The following SLC25A29 variants were observed in gnomAD, a reference collection of about 807,000 sequenced individuals.
The protein encoded by SLC25A29 is solute carrier family 25 member 29, also known as mitochondrial basic amino acids transporter.
In SLC25A29, 13 loss-of-function variants were observed where a neutral mutation model predicts 10.0. The ratio of observed to expected loss-of-function variants is 1.30; its 90% CI spans 0.85 to 2.07. The LOEUF (loss-of-function observed/expected upper bound fraction) is 2.07. SLC25A29 is among the 30% of genes most tolerant of loss of function. SLC25A29 has a pLI of 0.00. For synonymous variants in SLC25A29, 244 were observed against 221.1 expected, an observed-to-expected ratio of 1.10 and a Z score of -0.92; for missense variants, 475 against 447.6, an observed-to-expected ratio of 1.06 and a Z score of -0.55.
At chr14:100,280,321 G>C in the SLC25A29 span, 1 of 152,222 alleles carries the variant, frequency 6.6e-6, no homozygotes, top group Middle Eastern at 3.4e-3. Context: ...ACATATTTTC[G>C]TACATCTGAG....
At chr14:100,284,375 C>T in the SLC25A29 span, among the ~76,000 whole-genome samples, 2 of 152,158 alleles carry the variant, frequency 1.3e-5, no homozygotes, top group African/African-American at 4.8e-5. Context: ...CAGGGCTCCC[C>T]GACTGCCCGC....
At chr14:100,284,461 T>C in the SLC25A29 span, among the ~76,000 whole-genome samples, 12 of 152,326 alleles carry the variant, frequency 7.9e-5, no homozygotes, top group Non-Finnish European at 1.2e-4. Flanking sequence ...AGCACGTGAT[T>C]TGAACTGCAG....
chr14:100,302,331 C>G (rs374121979), intron 1 of SLC25A29, among the ~76,000 whole-genome samples: 34 of 151,896 alleles, frequency 2.2e-4, no homozygotes, highest in Admixed American at 5.9e-4. Flanking sequence ...CAGGCTTGAG[C>G]CACCAAGCTC....
chr14:100,296,956 G>A (rs759314429), intron 2 of SLC25A29, among the ~76,000 whole-genome samples: 3 of 152,134 alleles, frequency 2.0e-5, no homozygotes, highest in African/African-American at 7.2e-5. Flanking sequence ...GTAGCCAGGC[G>A]TGCTGGCACG....
chr14:100,296,747 C>T (rs536553315), intron 2 of SLC25A29, among the ~76,000 whole-genome samples: 7 of 152,190 alleles, frequency 4.6e-5, no homozygotes, highest in African/African-American at 9.6e-5. Context: ...TACAGGCACC[C>T]GCCACCACGC....
At chr14:100,303,375 G>C (rs551963682) in intron 1 of SLC25A29, among the ~76,000 whole-genome samples, 1 of 152,180 alleles carries the variant, frequency 6.6e-6, no homozygotes, top group Non-Finnish European at 1.5e-5. Context: ...GCATGGTCAC[G>C]CCTCTGGCCC....
chr14:100,302,261 G>C (rs1892610766), intron 1 of SLC25A29, among the ~76,000 whole-genome samples: 1 of 151,518 alleles, frequency 6.6e-6, no homozygotes. Context: ...GGCCAGGCTG[G>C]TCTTGAACTC....
rs1241954551 is a variant in SLC25A29, at chr14:100,306,280, G to A, written c.-48C>T. On this transcript the variant is annotated 5_prime_UTR_variant, in exon 1 of 4. Transcript: ENST00000359232. ...CCTTTCCTCCTCGTCCTCCCCCTGA[G>A]GCCCCTCGCCGGGCTGGGCGCCGTC... 3.6e-6 allele frequency: 5 copies of A among 1,378,152 alleles called. No individual in the cohort carries two copies. The highest frequency in any genetic ancestry group is 3.1e-5 in the Admixed American group (1 of 32,268). 85.4% of individuals were successfully genotyped at this position (1,378,152 alleles called of 1,614,324 possible).
chr14:100,293,656 T>C (rs1373067592), intron 2 of SLC25A29: 1 of 442,146 alleles, frequency 2.3e-6, no homozygotes, highest in Non-Finnish European at 4.2e-6. Context: ...GTTTACACTA[T>C]GGCTGCACAG....
In SLC25A29 at chr14:100,292,474, C is replaced by A; in HGVS notation, c.721G>T (p.Ala241Ser). 6.3e-7 allele frequency: 1 copy of A among 1,581,974 alleles called. No homozygotes were observed. The highest frequency in any genetic ancestry group is 8.6e-7 in the Non-Finnish European group (1 of 1,165,964). ...CGTGTGAAGACGCGCCAGCCCTCGG[C>A]GCGGTAGCTCTGGTGCACGCAGTCC... ...ILDCVHQSYR[A>S]EGWRVFTRGL... is the part of the protein sequence containing the mutation. The change falls in exon 4 of 4, where the codon GCC becomes TCC. Residue 241 changes from alanine to serine, a missense_variant. By Grantham distance (99) the Ala-to-Ser change is moderately conservative. Coordinates refer to ENST00000359232, the MANE Select transcript of SLC25A29 (RefSeq NM_001039355.3).
At chr14:100,295,759 G>A in intron 2 of SLC25A29, 2 of 1,289,408 alleles carry the variant, frequency 1.6e-6, no homozygotes, top group Non-Finnish European at 2.0e-6. Context: ...TCCAGGCGCG[G>A]AGCCCCCACA....
At chr14:100,301,058 C>G (rs1356244218) in intron 1 of SLC25A29, among the ~76,000 whole-genome samples, 1 of 152,042 alleles carries the variant, frequency 6.6e-6, no homozygotes, top group East Asian at 1.9e-4. Context: ...CGCCACCACA[C>G]CTGGCTAATT....
intron 2 of SLC25A29, chr14:100,295,831 A>G (rs1394545983): frequency 3.9e-5 from 50 of 1,289,556 alleles, no homozygotes; most frequent in Non-Finnish European, 5.1e-5. Context: ...CCCTCATCAT[A>G]GGTCAAGACA....
chr14:100,293,332 TC>T lies in SLC25A29; in HGVS notation c.123del (p.Thr42ArgfsTer305). 1 of 1,613,426 alleles carries T rather than the reference TC, an allele frequency of 6.2e-7. No homozygotes were observed. The highest frequency in any genetic ancestry group is 8.5e-7 in the Non-Finnish European group (1 of 1,180,002). ...ATGATGGACTTGAAGCAGTGCAACG[TC>T]CCGCGGTACTGAGGCTTCTCCACGC... Reference protein sequence around the residue: ...VQSVEKPQYRGTLHCFKSIIK... With the variant: ...VQSVEKPQYRXTLHCFKSIIK... On this transcript the variant is annotated frameshift_variant, in exon 3 of 4. Coordinates refer to ENST00000359232, the MANE Select transcript of SLC25A29 (RefSeq NM_001039355.3). LOFTEE classifies it low-confidence loss of function (END_TRUNC).
chr14:100,292,667 C>T lies in SLC25A29; in HGVS notation c.528G>A (p.Thr176=), dbSNP rs772554390. The T allele has an allele frequency of 3.7e-6, 6 of 1,600,480 alleles. No individual in the cohort carries two copies. The highest frequency in any genetic ancestry group is 5.1e-6 in the Non-Finnish European group (6 of 1,175,182). ...CGCCCGGCTCGCAGCCCAGCGCCCGCGTGAGAGCGTCATAGGTGAGGAAGT... is the reference window on the plus strand; with the variant it reads ...CGCCCGGCTCGCAGCCCAGCGCCCGTGTGAGAGCGTCATAGGTGAGGAAGT... The part of the protein sequence containing the change: ...GVYFLTYDAL[T]RALGCEPGDR... The change falls in exon 4 of 4, where the codon ACG becomes ACA. Residue 176 remains threonine (T), a synonymous_variant. Coordinates refer to ENST00000359232, the MANE Select transcript of SLC25A29 (RefSeq NM_001039355.3).
At chr14:100,298,494 T>G in intron 2 of SLC25A29, 1 of 376,544 alleles carries the variant, frequency 2.7e-6, no homozygotes, top group East Asian at 6.6e-5. Context: ...AGATATGAGT[T>G]TTGGTTTTTT....
At chr14:100,297,167 C>T (rs1233255960) in intron 2 of SLC25A29, among the ~76,000 whole-genome samples, 1 of 152,212 alleles carries the variant, frequency 6.6e-6, no homozygotes, top group East Asian at 1.9e-4. Flanking sequence ...GCTGGAGCGA[C>T]AGAGTGGCAA....
the SLC25A29 span, chr14:100,281,108 C>T: frequency 6.7e-6 from 1 of 150,072 alleles, no homozygotes; most frequent in Non-Finnish European, 1.5e-5. Flanking sequence ...CAATTCTACC[C>T]ACCTCCCCCC....
intron 1 of SLC25A29, among the ~76,000 whole-genome samples, chr14:100,303,687 A>C (rs1892713177): frequency 6.6e-6 from 1 of 151,826 alleles, no homozygotes; most frequent in African/African-American, 2.4e-5. Context: ...CAGTCACACC[A>C]GCAGAAGCGG....
Sources: gnomAD v4.1 joint callset for allele counts (sites outside exome capture counted in the v4.1 genomes callset) on GRCh38, gnomAD v4.1.1 for gene constraint, MANE v1.5 for transcripts, NCBI Gene and HGNC (gene_info 2026-07-23, HGNC 2026-07-21) for gene names.